Variants in ZNF571 observed in about 807,000 individuals in gnomAD.
The protein encoded by ZNF571 is zinc finger protein 571.
ZNF571 carries 4 observed loss-of-function variants against 7.7 expected under a neutral mutation model. The observed-to-expected ratio is 0.52, with a 90% CI of 0.25 to 1.18. ZNF571 has a LOEUF of 1.18. ZNF571 is among the 50% of genes most tolerant of loss of function. ZNF571 has a pLI of 0.14. For synonymous variants in ZNF571, 251 were observed against 232.4 expected (o/e 1.08, Z -0.73); for missense variants, 704 against 726.9 (o/e 0.97, Z 0.36).
intron 3 of ZNF571, among the ~76,000 whole-genome samples, chr19:37,570,481 C>CA (rs1316963886): frequency 3.3e-5 from 5 of 152,180 alleles, no homozygotes; most frequent in Non-Finnish European, 7.4e-5. Context: ...ATCAGATATA[C>CA]AAAAAAATAT....
At chr19:37,574,408 C>A (rs752568367) in intron 3 of ZNF571, among the ~76,000 whole-genome samples, 28 of 152,168 alleles carry the variant, frequency 1.8e-4, no homozygotes, top group Non-Finnish European at 4.0e-4. Context: ...GTCTTGCAAT[C>A]AGTATTATTT....
rs1206871706 is a variant in ZNF571 at position 37,572,176 on chromosome 19, A to AC, written c.137-5886dup. Among the ~76,000 whole-genome samples, 5 of 152,078 alleles carry AC rather than the reference A, an allele frequency of 3.3e-5. No individual in the cohort carries two copies. The East Asian group carries it at 9.7e-4, about 29-fold the overall frequency. On this transcript the variant is annotated intron_variant, in intron 3 of 3. Coordinates refer to ENST00000451802, the MANE Select transcript of ZNF571 (RefSeq NM_016536.5). ...CACTTAACTCCAAAATTATTCTAGG[A>AC]CCCATACACTGTAAACATAGTTTAA...
chr19:37,564,563 A>C lies in ZNF571; in HGVS notation c.*35T>G. ...TTCATTATAGATATGAAATAGATGA[A>C]GATTTTCTTAAATTTAATCACATTC... On this transcript the variant is annotated 3_prime_UTR_variant, in exon 4 of 4. Transcript: ENST00000451802. 6.9e-7 allele frequency: 1 copy of C among 1,452,948 alleles called. No homozygotes were observed. Among genetic ancestry groups the C allele is most frequent in the Non-Finnish European group, 9.1e-7 (1 of 1,099,012 alleles). 90.0% of individuals were successfully genotyped at this position (1,452,948 alleles called of 1,614,324 possible).
chr19:37,577,994 G>A (rs763004345), intron 3 of ZNF571, among the ~76,000 whole-genome samples: 2 of 152,216 alleles, frequency 1.3e-5, no homozygotes, highest in Non-Finnish European at 2.9e-5. Context: ...CCTCCGGTCA[G>A]ATCAGCGGCA....
chr19:37,593,675 C>T (rs2043933143), intron 1 of ZNF571, among the ~76,000 whole-genome samples: 2 of 152,130 alleles, frequency 1.3e-5, no homozygotes, highest in African/African-American at 2.4e-5. Flanking sequence ...CGCACTCCAG[C>T]CAGGGCGACA....
Position 37,565,302 on chromosome 19 carries a change from A to G in ZNF571, c.1126T>C (p.Ser376Pro), listed in dbSNP as rs1174636067. ...ACTCTCAGGTGGTAAGTAAGTTGTG[A>G]GCCACGAAAAAAGGTCTTCCCGCAT... ...KECGKTFFRG[S>P]QLTYHLRVHS... is the part of the protein sequence containing the mutation. The change falls in exon 4 of 4, where the codon TCA becomes CCA. Residue 376 changes from serine to proline, a missense_variant. Physicochemically the swap from Ser to Pro is moderately conservative, Grantham distance 74 (BLOSUM62 -1). Transcript: ENST00000451802. The G allele has an allele frequency of 6.2e-7, 1 of 1,610,982 alleles. No homozygotes were observed. The highest frequency in any genetic ancestry group is 1.7e-5 in the Admixed American group (1 of 59,568).
intron 1 of ZNF571, among the ~76,000 whole-genome samples, chr19:37,590,267 AT>A (rs2043828727): frequency 6.6e-6 from 1 of 151,972 alleles, no homozygotes. Flanking sequence ...ATAAAAAAAA[AT>A]TAGCTGGGCG....
At chr19:37,568,000 A>G (rs998540576) in intron 3 of ZNF571, among the ~76,000 whole-genome samples, 11 of 152,200 alleles carry the variant, frequency 7.2e-5, no homozygotes, top group Admixed American at 7.2e-4. Context: ...TATTTCCCAA[A>G]GAAGTACCTC....
chr19:37,586,836 G>A (rs2043690946), intron 1 of ZNF571, 91 bp from the exon 2 acceptor site: 3 of 759,614 alleles, frequency 3.9e-6, no homozygotes, highest in Non-Finnish European at 6.5e-6. Context: ...CCTCTTTTGG[G>A]AATTTGGAAA....
intron 3 of ZNF571, among the ~76,000 whole-genome samples, chr19:37,568,571 C>G (rs2042947374): frequency 6.6e-6 from 1 of 152,070 alleles, no homozygotes; most frequent in Non-Finnish European, 1.5e-5. Context: ...AAATATTAAT[C>G]TAATATGATT....
intron 1 of ZNF571, 62 bp from the exon 2 acceptor site, chr19:37,586,807 T>A: frequency 1.1e-6 from 1 of 921,436 alleles, no homozygotes; most frequent in Non-Finnish European, 1.7e-6. Flanking sequence ...ATAAACTACT[T>A]AGAACTACCT....
chr19:37,572,695 C>A (rs746234139), intron 3 of ZNF571, among the ~76,000 whole-genome samples: 1 of 152,160 alleles, frequency 6.6e-6, no homozygotes, highest in Non-Finnish European at 1.5e-5. Flanking sequence ...GCTTTCTGAA[C>A]TTTTAAAGGT....
intron 2 of ZNF571, chr19:37,585,518 G>A (rs2043639873): frequency 6.6e-6 from 1 of 152,182 alleles, no homozygotes; most frequent in Non-Finnish European, 1.5e-5. Context: ...GCAATGACCT[G>A]AGACTGCACA....
intron 3 of ZNF571, among the ~76,000 whole-genome samples, chr19:37,572,761 T>C (rs528063788): frequency 6.6e-6 from 1 of 152,336 alleles, no homozygotes; most frequent in East Asian, 1.9e-4. Flanking sequence ...CAAATAAAAT[T>C]AATTAATTTC....
intron 1 of ZNF571, chr19:37,594,128 A>G (rs1287297352): frequency 1.3e-5 from 2 of 152,240 alleles, no homozygotes; most frequent in African/African-American, 4.8e-5. Context: ...CTGTCAAGCT[A>G]GAATAGGACA....
intron 3 of ZNF571, among the ~76,000 whole-genome samples, chr19:37,568,666 A>G (rs971186306): frequency 6.6e-6 from 1 of 152,210 alleles, no homozygotes; most frequent in African/African-American, 2.4e-5. Flanking sequence ...TTAGAATACC[A>G]AAGTCTCAGA....
At chr19:37,592,281 T>C (rs2043890375) in intron 1 of ZNF571, among the ~76,000 whole-genome samples, 1 of 152,126 alleles carries the variant, frequency 6.6e-6, no homozygotes, top group Admixed American at 6.5e-5. Flanking sequence ...TTGGTATCAA[T>C]CATAAGTGGA....
chr19:37,590,374 G>A (rs111612689), intron 1 of ZNF571, among the ~76,000 whole-genome samples: 4,855 of 152,002 alleles, frequency 0.032, 271 homozygotes, highest in African/African-American at 0.11. Context: ...CCAAGATCTC[G>A]CCACCGCACT....
chr19:37,583,004 A>G lies in ZNF571; in HGVS notation c.136+967T>C, dbSNP rs531926153. ...CTTGCAACAACCAACAAGGTCCTACATGATTTGACCTCTGCCTATTTCTCT... is the reference window on the plus strand; with the variant it reads ...CTTGCAACAACCAACAAGGTCCTACGTGATTTGACCTCTGCCTATTTCTCT... On this transcript the variant is annotated intron_variant, in intron 3 of 3. Transcript: ENST00000451802. 2.0e-5 allele frequency among the ~76,000 whole-genome samples: 3 copies of G among 152,308 alleles called. No homozygotes were observed. The South Asian group carries it at 6.2e-4, about 32-fold the overall frequency.
Sources: gnomAD v4.1 joint callset for allele counts (sites outside exome capture counted in the v4.1 genomes callset) on GRCh38, gnomAD v4.1.1 for gene constraint, MANE v1.5 for transcripts, NCBI Gene and HGNC (gene_info 2026-07-23, HGNC 2026-07-21) for gene names.